DNAAF5: variants seen among roughly 807,000 people sequenced by gnomAD.
The protein encoded by DNAAF5 is dynein axonemal assembly factor 5.
In DNAAF5, 64 loss-of-function variants were observed where a neutral mutation model predicts 75.8. That is an observed-to-expected ratio of 0.84 (90% CI 0.69 to 1.04). The LOEUF (loss-of-function observed/expected upper bound fraction) is 1.04, where lower values mean the gene tolerates loss of function less well. Among genes scored for constraint, DNAAF5 ranks in the 50% least tolerant of loss-of-function variants. The pLI, the probability that DNAAF5 is intolerant of heterozygous loss-of-function variation, is 0.00. For missense variants in DNAAF5, 1,269 were observed against 1,178.5 expected, an observed-to-expected ratio of 1.08 and a Z score of -1.12; for synonymous variants, 657 against 557.2, an observed-to-expected ratio of 1.18 and a Z score of -2.52.
intron 9 of DNAAF5, among the ~76,000 whole-genome samples, chr7:773,388 C>T (rs951112445): frequency 5.3e-5 from 8 of 152,298 alleles, no homozygotes; most frequent in South Asian, 2.1e-4. Flanking sequence ...ACCTTTGAAA[C>T]ATACCGTGGT....
Position 774,064 on chromosome 7 carries a change from C to T in DNAAF5, c.1948C>T (p.Leu650Phe). Residue 650 changes from leucine (L) to phenylalanine (F), a missense_variant, in exon 10 of 13, where the codon CTC becomes TTC. Leu to Phe is a conservative substitution (Grantham distance 22). Transcript: ENST00000297440. The stretch of plus-strand genomic sequence containing the variant: ...CGGTTCCAGGCAGTTTCCCAGCTAC[C>T]TCGAGACGGTGACAAAGGACATCCT... ...INSQGQFPSYLETVTKDILAP... is the reference protein window; with the variant it reads ...INSQGQFPSYFETVTKDILAP... 6 of 1,614,104 alleles carry T rather than the reference C, an allele frequency of 3.7e-6. No homozygotes were observed. Among genetic ancestry groups the T allele is most frequent in the Non-Finnish European group, 5.1e-6 (6 of 1,180,028 alleles).
chr7:736,878 T>G (rs1781755344), intron 2 of DNAAF5, among the ~76,000 whole-genome samples: 1 of 152,142 alleles, frequency 6.6e-6, no homozygotes, highest in Non-Finnish European at 1.5e-5. Flanking sequence ...GTGGCGTTTT[T>G]TATTTGAAGT....
chr7:766,030 T>C (rs1782808286), intron 8 of DNAAF5, among the ~76,000 whole-genome samples: 3 of 152,240 alleles, frequency 2.0e-5, no homozygotes, highest in Admixed American at 6.5e-5. Flanking sequence ...GGTCTCTTTA[T>C]GTTGCCCAGG....
At chr7:731,880 C>T (rs111756709) in intron 2 of DNAAF5, among the ~76,000 whole-genome samples, 36 of 152,230 alleles carry the variant, frequency 2.4e-4, no homozygotes, top group African/African-American at 8.4e-4. Flanking sequence ...CCTGCGACCC[C>T]GTCCTGGAGC....
Position 770,453 on chromosome 7 carries a change from C to G in DNAAF5, c.1784-18C>G. 1 of 1,610,416 alleles carries G rather than the reference C, an allele frequency of 6.2e-7. No individual in the cohort carries two copies. Among genetic ancestry groups the G allele is most frequent in the Non-Finnish European group, 8.5e-7 (1 of 1,178,496 alleles). ...TCTCCTGAGGGCCGTGCACAGGAGCCTCTGTTGTGTCTTACAGGCCCTGCC... is the reference window on the plus strand; with the variant it reads ...TCTCCTGAGGGCCGTGCACAGGAGCGTCTGTTGTGTCTTACAGGCCCTGCC... On this transcript the variant is annotated intron_variant, in intron 8 of 12. Transcript: ENST00000297440.
chr7:776,145 C>G (rs553645201), intron 11 of DNAAF5, among the ~76,000 whole-genome samples: 9 of 152,200 alleles, frequency 5.9e-5, no homozygotes, highest in African/African-American at 2.2e-4. Flanking sequence ...AGAAACCATC[C>G]TGGCCAAAAT....
chr7:758,203 G>A (rs185650946), intron 6 of DNAAF5, among the ~76,000 whole-genome samples: 1 of 152,360 alleles, frequency 6.6e-6, no homozygotes, highest in East Asian at 1.9e-4. Flanking sequence ...GGATGCCTTT[G>A]ATTTCTGTAT....
At chr7:728,727 C>A (rs995681560) in intron 1 of DNAAF5, among the ~76,000 whole-genome samples, 1 of 152,226 alleles carries the variant, frequency 6.6e-6, no homozygotes, top group South Asian at 2.1e-4. Context: ...CAGCCCCAAG[C>A]GCAGCCTGCT....
rs565823850 is a variant in DNAAF5, at chr7:730,013, T to C, written c.780+166T>C. 3.3e-5 allele frequency among the ~76,000 whole-genome samples: 5 copies of C among 152,338 alleles called. No individual in the cohort carries two copies. The East Asian group carries it at 9.6e-4, about 29-fold the overall frequency. The stretch of plus-strand genomic sequence containing the variant: ...GTTCCTGTTCACATCTTGGAAAAAC[T>C]AGAAGAGAGCTGAACTGTTTTAATG... On this transcript the variant is annotated intron_variant, in intron 2 of 12. Transcript: ENST00000297440.
At chr7:741,605 A>T in intron 4 of DNAAF5, 140 bp downstream of exon 4, 1 of 608,412 alleles carries the variant, frequency 1.6e-6, no homozygotes, top group East Asian at 2.8e-5. Flanking sequence ...GCGTCTCCCC[A>T]CTGGGCTGGG....
chr7:778,565 A>G (rs974594737), intron 11 of DNAAF5: 5 of 152,276 alleles, frequency 3.3e-5, no homozygotes, highest in African/African-American at 1.2e-4. Context: ...CCAGGGAGTG[A>G]CCATCGTAAA....
intron 12 of DNAAF5, among the ~76,000 whole-genome samples, chr7:782,091 G>A (rs940969454): frequency 2.6e-5 from 4 of 152,224 alleles, no homozygotes; most frequent in Admixed American, 1.3e-4. Flanking sequence ...GGCTACATCC[G>A]GTTATGCGAT....
rs112990557 is a variant in DNAAF5, at chr7:747,142, G to T, written c.1024+5677G>T. On this transcript the variant is annotated intron_variant, in intron 4 of 12. Coordinates refer to ENST00000297440, the MANE Select transcript of DNAAF5 (RefSeq NM_017802.4). ...TGTTTTATTGGATAAACACTCAGGC[G>T]TGGGGTTGCTGGGCCATAGGTACAG... Among the ~76,000 whole-genome samples, 456 of 152,352 alleles carry T rather than the reference G, an allele frequency of 3.0e-3. 4 individuals are homozygous for T. Among genetic ancestry groups the T allele is most frequent in the African/African-American group, 0.011 (437 of 41,574 alleles).
chr7:747,673 T>C (rs1479585215), intron 4 of DNAAF5, among the ~76,000 whole-genome samples: 78 of 119,546 alleles, frequency 6.5e-4, no homozygotes, highest in Middle Eastern at 5.0e-3. Flanking sequence ...CTGGTTTCAG[T>C]GTGTCCGGCT....
At chr7:750,562 C>T (rs540519305) in intron 4 of DNAAF5, among the ~76,000 whole-genome samples, 3 of 152,290 alleles carry the variant, frequency 2.0e-5, no homozygotes, top group East Asian at 3.9e-4. Flanking sequence ...CCCTCACACG[C>T]ACAGTTCACA....
intron 2 of DNAAF5, among the ~76,000 whole-genome samples, chr7:733,997 A>G (rs1204419843): frequency 6.6e-6 from 1 of 152,138 alleles, no homozygotes; most frequent in Non-Finnish European, 1.5e-5. Flanking sequence ...ATCTGTTCTA[A>G]TAGGTTTTTT....
rs78761442 is a variant in DNAAF5, at chr7:739,826, C to T, written c.781-993C>T. Among the ~76,000 whole-genome samples the T allele has an allele frequency of 2.8e-3, 432 of 152,248 alleles. 1 individual carries two copies. The highest frequency in any genetic ancestry group is 9.8e-3 in the African/African-American group (408 of 41,556). On this transcript the variant is annotated intron_variant, in intron 2 of 12. Coordinates refer to ENST00000297440, the MANE Select transcript of DNAAF5 (RefSeq NM_017802.4). ...GCTTGGCTCTGGGCCTTGTTGGAGC[C>T]GGGGCGGAGCAGCCCCTCCTCCGAG...
In DNAAF5 at chr7:731,651, T is replaced by G. The variant is rs188563036; in HGVS notation, c.780+1804T>G. On this transcript the variant is annotated intron_variant, in intron 2 of 12. Coordinates refer to ENST00000297440, the MANE Select transcript of DNAAF5 (RefSeq NM_017802.4). ...TGCTGCCCAACACCAATTCATAAAC[T>G]TTCTTAAAATGTTACGAGATTGTTT... Among the ~76,000 whole-genome samples, 45 of 152,292 alleles carry G rather than the reference T, an allele frequency of 3.0e-4. No individual in the cohort carries two copies. In the East Asian group the frequency reaches 8.1e-3, roughly 27 times the overall value.
chr7:745,779 A>G (rs1583487423), intron 4 of DNAAF5, among the ~76,000 whole-genome samples: 2 of 152,352 alleles, frequency 1.3e-5, no homozygotes, highest in Middle Eastern at 3.4e-3. Context: ...TACCCCGCCA[A>G]CTGTCTGGCC....
Sources: gnomAD v4.1 joint callset for allele counts (sites outside exome capture counted in the v4.1 genomes callset) on GRCh38, gnomAD v4.1.1 for gene constraint, MANE v1.5 for transcripts, NCBI Gene and HGNC (gene_info 2026-07-23, HGNC 2026-07-21) for gene names.